Variants in CCNY observed in about 807,000 individuals in gnomAD.
The protein encoded by CCNY is cyclin Y.
CCNY carries 19 observed loss-of-function variants against 42.8 expected under a neutral mutation model. The ratio of observed to expected loss-of-function variants is 0.44; its 90% CI spans 0.31 to 0.65. CCNY has a LOEUF of 0.65. CCNY is among the 30% of genes least tolerant of loss of function. The pLI is 0.07. For missense variants in CCNY, 370 were observed against 437.3 expected, an observed-to-expected ratio of 0.85 and a Z score of 1.37; for synonymous variants, 165 against 162.7, an observed-to-expected ratio of 1.01 and a Z score of -0.11.
At chr10:35,495,183 T>A (rs1839981434) in intron 2 of CCNY, among the ~76,000 whole-genome samples, 1 of 152,244 alleles carries the variant, frequency 6.6e-6, no homozygotes, top group Admixed American at 6.5e-5. Flanking sequence ...ATCTCTGTGT[T>A]TTCCAAGCAA....
chr10:35,330,478 T>A (rs1343980830), intron 3 of CCNY, among the ~76,000 whole-genome samples: 1 of 152,170 alleles, frequency 6.6e-6, no homozygotes, highest in Non-Finnish European at 1.5e-5. Flanking sequence ...TGGGGGCCAA[T>A]CAAGGAAAAC....
intron 3 of CCNY, among the ~76,000 whole-genome samples, chr10:35,284,776 A>AT (rs1835335285): frequency 6.6e-6 from 1 of 152,040 alleles, no homozygotes; most frequent in African/African-American, 2.4e-5. Flanking sequence ...TCCAATCACT[A>AT]TTTCAAGGGC....
intron 1 of CCNY, among the ~76,000 whole-genome samples, chr10:35,436,249 C>A (rs940810423): frequency 6.6e-6 from 1 of 152,086 alleles, no homozygotes; most frequent in Admixed American, 6.6e-5. Flanking sequence ...AAGGTGTGTG[C>A]GGTGGTGGGA....
At chr10:35,407,445 C>T (rs1837804560) in intron 1 of CCNY, among the ~76,000 whole-genome samples, 1 of 152,078 alleles carries the variant, frequency 6.6e-6, no homozygotes, top group Admixed American at 6.5e-5. Flanking sequence ...GGACGACTCT[C>T]ATTGGGAGCA....
intron 3 of CCNY, among the ~76,000 whole-genome samples, chr10:35,296,504 C>G (rs990739964): frequency 1.3e-5 from 2 of 152,230 alleles, no homozygotes; most frequent in Non-Finnish European, 2.9e-5. Flanking sequence ...TTGCTTGAAT[C>G]CGGGAGGCAG....
chr10:35,482,749 GGTGTGTGTGTGTGTGTGT>G (rs56033862), intron 1 of CCNY, among the ~76,000 whole-genome samples: 70 of 128,940 alleles, frequency 5.4e-4, no homozygotes, highest in South Asian at 1.4e-3. Flanking sequence ...GCTGGAAATA[GGTGTGTGTGTGTGTGTGT>G]GTGTGTGTGT....
At chr10:35,413,139 G>A (rs898524337) in intron 1 of CCNY, among the ~76,000 whole-genome samples, 3 of 152,116 alleles carry the variant, frequency 2.0e-5, no homozygotes, top group African/African-American at 7.2e-5. Context: ...CATTTTCATG[G>A]GACACTTGGG....
intron 1 of CCNY, among the ~76,000 whole-genome samples, chr10:35,478,404 G>T (rs1308784644): frequency 2.4e-4 from 36 of 151,460 alleles, no homozygotes; most frequent in South Asian, 2.1e-4. Flanking sequence ...CAAGGCTACA[G>T]TAACCAAAAC....
intron 1 of CCNY, among the ~76,000 whole-genome samples, chr10:35,396,629 A>C (rs116589165): frequency 8.2e-4 from 125 of 152,218 alleles, no homozygotes; most frequent in Non-Finnish European, 1.5e-3. Context: ...CCTTGCCCCA[A>C]GGGCTGGTGA....
intron 1 of CCNY, among the ~76,000 whole-genome samples, chr10:35,388,848 A>C (rs903908047): frequency 1.4e-4 from 21 of 152,238 alleles, no homozygotes; most frequent in African/African-American, 4.8e-4. Flanking sequence ...TGCCTTTTCC[A>C]GTGTCTAGAG....
At chr10:35,302,656 GA>G (rs1318600454) in intron 3 of CCNY, among the ~76,000 whole-genome samples, 1 of 152,068 alleles carries the variant, frequency 6.6e-6, no homozygotes, top group African/African-American at 2.4e-5. Flanking sequence ...GCCAACCTAA[GA>G]AAAACAACTA....
chr10:35,488,296 C>G (rs758933055), intron 2 of CCNY, among the ~76,000 whole-genome samples: 10 of 152,192 alleles, frequency 6.6e-5, no homozygotes, highest in Admixed American at 2.6e-4. Context: ...TCATTGGGGT[C>G]GTGTTTTGGT....
chr10:35,262,009 G>A (rs2095720070), intron 3 of CCNY, among the ~76,000 whole-genome samples: 1 of 151,364 alleles, frequency 6.6e-6, no homozygotes, highest in Non-Finnish European at 1.5e-5. Context: ...CAAAAAGAGT[G>A]AAACTTCATC....
At chr10:35,519,701 G>A (rs61850546) in intron 4 of CCNY, among the ~76,000 whole-genome samples, 15,440 of 151,484 alleles carry the variant, frequency 0.1, 1,153 homozygotes, top group Non-Finnish European at 0.14. Context: ...CATGGTCTCT[G>A]CACTGCACAC....
At chr10:35,439,888 G>C (rs1224685702) in intron 1 of CCNY, among the ~76,000 whole-genome samples, 2 of 152,104 alleles carry the variant, frequency 1.3e-5, no homozygotes, top group Non-Finnish European at 2.9e-5. Flanking sequence ...ATGTGGCTGG[G>C]GCTCTTTGTT....
At position 35,473,275 on chromosome 10, in the gene CCNY, C is replaced by T. The variant is rs11010206; in HGVS notation, c.155-10129C>T. On this transcript the variant is annotated intron_variant, in intron 1 of 9. Coordinates refer to ENST00000374704, the MANE Select transcript of CCNY (RefSeq NM_145012.6). ...CCCACCTGCCTCGTGGCAGAGCTCTCGGCTTCTGTGTGGTGTCGTCTTTTC... is the reference window on the plus strand; with the variant it reads ...CCCACCTGCCTCGTGGCAGAGCTCTTGGCTTCTGTGTGGTGTCGTCTTTTC... 7.1e-3 allele frequency among the ~76,000 whole-genome samples: 1,086 copies of T among 152,356 alleles called. 16 individuals carry two copies. The highest frequency in any genetic ancestry group is 0.025 in the African/African-American group (1,044 of 41,586).
intron 3 of CCNY, among the ~76,000 whole-genome samples, chr10:35,307,681 C>A (rs113667889): frequency 7.3e-6 from 1 of 137,664 alleles, no homozygotes; most frequent in African/African-American, 2.7e-5. Flanking sequence ...TATATATATA[C>A]GTGTATATCT....
chr10:35,566,059 G>C lies in CCNY; in HGVS notation c.783G>C (p.Gln261His), dbSNP rs1169207198. The C allele has an allele frequency of 1.2e-6, 2 of 1,613,974 alleles. No homozygotes were observed. The highest frequency in any genetic ancestry group is 1.7e-6 in the Non-Finnish European group (2 of 1,180,012). The change falls in exon 9 of 10, where the codon CAG becomes CAC. Residue 261 changes from glutamine to histidine, a missense_variant. Physicochemically the swap from Gln to His is conservative, Grantham distance 24. Transcript: ENST00000374704. ...AGCGACAGTTTCTTGAATTGCTGCA[G>C]TTCAACATCAATGTTCCTTCCAGTG... is the stretch of plus-strand genomic sequence containing the variant. ...ELERQFLELL[Q>H]FNINVPSSVY...
In CCNY at chr10:35,483,413, T is replaced by C; in HGVS notation, c.164T>C (p.Met55Thr). Reference protein sequence around the residue: ...SDRENIDDLNMEFNPSDHPRA... With the variant: ...SDRENIDDLNTEFNPSDHPRA... ...TTTCCTTTCTTTAAAGATTTGAACA[T>C]GGAATTCAATCCTTCAGATCATCCT... Residue 55 changes from methionine (M) to threonine (T), a missense_variant, in exon 2 of 10, where the codon ATG becomes ACG. Physicochemically the swap from Met to Thr is moderately conservative, Grantham distance 81. This residue lies in a region of CCNY where 136 missense variants were observed against 124.2 expected (regional missense o/e 1.09). Transcript: ENST00000374704. 6.2e-7 allele frequency: 1 copy of C among 1,602,486 alleles called. No individual in the cohort carries two copies. The highest frequency in any genetic ancestry group is 8.5e-7 in the Non-Finnish European group (1 of 1,170,760).
Sources: gnomAD v4.1 joint callset for allele counts (sites outside exome capture counted in the v4.1 genomes callset) on GRCh38, gnomAD v4.1.1 for gene constraint, gnomAD v4.1.1 regional missense constraint, MANE v1.5 for transcripts, NCBI Gene and HGNC (gene_info 2026-07-23, HGNC 2026-07-21) for gene names.